Variants in KATNIP observed in about 807,000 individuals in gnomAD.
The protein encoded by KATNIP is katanin interacting protein.
A neutral mutation model predicts 174.0 loss-of-function variants in KATNIP; 126 were observed. That is an observed-to-expected ratio of 0.72 (90% CI 0.63 to 0.84). The LOEUF is 0.84. Among genes scored for constraint, KATNIP ranks in the 40% least tolerant of loss-of-function variants. KATNIP has a pLI of 0.00. For missense variants in KATNIP, 1,958 were observed against 2,109.7 expected (o/e 0.93, Z 1.41); for synonymous variants, 810 against 835.7 (o/e 0.97, Z 0.53).
chr16:27,565,015 C>T (rs894181810), intron 1 of KATNIP, among the ~76,000 whole-genome samples: 9 of 151,600 alleles, frequency 5.9e-5, no homozygotes, highest in South Asian at 4.2e-4. Context: ...CCGCCTGCCT[C>T]GGCCTCCCAA....
At chr16:27,689,946 A>T (rs2078656251) in intron 8 of KATNIP, among the ~76,000 whole-genome samples, 1 of 152,134 alleles carries the variant, frequency 6.6e-6, no homozygotes, top group African/African-American at 2.4e-5. Flanking sequence ...GGACAAGCCC[A>T]TGCCTGGGTG....
At position 27,586,765 on chromosome 16, in the gene KATNIP, T is replaced by C. The variant is rs556405511; in HGVS notation, c.63+12809T>C. The stretch of plus-strand genomic sequence containing the variant: ...GATCACCTGAGCCCGGGAGATTGAG[T>C]GTGCAATAAGCCAAGATCGCGCCAC... On this transcript the variant is annotated intron_variant, in intron 2 of 27. Transcript: ENST00000261588. Among the ~76,000 whole-genome samples, 62 of 150,032 alleles carry C rather than the reference T, an allele frequency of 4.1e-4. 1 individual carries two copies. The South Asian group carries it at 4.4e-3, about 11-fold the overall frequency.
At chr16:27,705,948 G>C (rs1047818725) in intron 12 of KATNIP, among the ~76,000 whole-genome samples, 1 of 152,152 alleles carries the variant, frequency 6.6e-6, no homozygotes, top group Non-Finnish European at 1.5e-5. Flanking sequence ...AAAATGCTGG[G>C]ATTACAGCTG....
At chr16:27,654,807 G>A (rs902876276) in intron 6 of KATNIP, 6 of 1,305,562 alleles carry the variant, frequency 4.6e-6, no homozygotes, top group Middle Eastern at 2.1e-4. Context: ...AGCTGTGCCT[G>A]CCTTAAGATG....
At chr16:27,764,613 T>G (rs761885166) in intron 19 of KATNIP, among the ~76,000 whole-genome samples, 1 of 152,244 alleles carries the variant, frequency 6.6e-6, no homozygotes, top group Non-Finnish European at 1.5e-5. Flanking sequence ...CGTTGCTGTT[T>G]CTAGGCTTTT....
Position 27,740,453 on chromosome 16 carries a change from C to A in KATNIP, c.2156C>A (p.Pro719Gln). 1 of 1,614,124 alleles carries A rather than the reference C, an allele frequency of 6.2e-7. No homozygotes were observed. Among genetic ancestry groups the A allele is most frequent in the Non-Finnish European group, 8.5e-7 (1 of 1,180,020 alleles). The change falls in exon 15 of 28, where the codon CCA becomes CAA. Residue 719 changes from proline (P) to glutamine (Q), a missense_variant. Physicochemically the swap from Pro to Gln is moderately conservative, Grantham distance 76. Around this residue, in one of 3 missense-constraint regions of KATNIP, gnomAD observed 1,557 missense variants for 1,617.8 expected, o/e 0.96. Coordinates refer to ENST00000261588, the MANE Select transcript of KATNIP (RefSeq NM_015202.5). ...GDMPSAPATS[P>Q]PVKCPPVHEE... ...ATGCCCAGTGCTCCTGCCACTTCCCCACCTGTGAAGTGCCCTCCTGTCCAT... is the reference window on the plus strand; with the variant it reads ...ATGCCCAGTGCTCCTGCCACTTCCCAACCTGTGAAGTGCCCTCCTGTCCAT...
At chr16:27,648,774 G>C in intron 6 of KATNIP, 39 bp downstream of exon 6, 7 of 1,600,554 alleles carry the variant, frequency 4.4e-6, no homozygotes, top group Non-Finnish European at 6.0e-6. Context: ...GACACCTGAA[G>C]GACGGCGAGG....
At chr16:27,671,552 G>C (rs924689332) in intron 6 of KATNIP, among the ~76,000 whole-genome samples, 1 of 152,180 alleles carries the variant, frequency 6.6e-6, no homozygotes, top group Non-Finnish European at 1.5e-5. Flanking sequence ...GGAAGGGCTA[G>C]GTCAGAGGGT....
chr16:27,665,057 T>C (rs2077635785), intron 6 of KATNIP, among the ~76,000 whole-genome samples: 1 of 152,124 alleles, frequency 6.6e-6, no homozygotes, highest in South Asian at 2.1e-4. Context: ...GCACTGGAAA[T>C]TTTTCATTTA....
chr16:27,769,803 G>A (rs1371338384), intron 20 of KATNIP, 58 bp from the exon 21 acceptor site: 38 of 1,591,632 alleles, frequency 2.4e-5, no homozygotes, highest in South Asian at 2.2e-4. Flanking sequence ...CGTCAGCACC[G>A]CTTCTGTCCC....
intron 1 of KATNIP, among the ~76,000 whole-genome samples, chr16:27,559,006 T>C (rs2089743093): frequency 6.6e-6 from 1 of 152,182 alleles, no homozygotes; most frequent in African/African-American, 2.4e-5. Flanking sequence ...GCCACTGGGC[T>C]GATGGAATAA....
At chr16:27,756,859 C>G (rs534143436) in intron 18 of KATNIP, among the ~76,000 whole-genome samples, 1 of 152,310 alleles carries the variant, frequency 6.6e-6, no homozygotes, top group East Asian at 1.9e-4. Flanking sequence ...GTGTCTGCCT[C>G]CCTCTCCCTG....
chr16:27,708,999 A>C, intron 13 of KATNIP, 79 bp downstream of exon 13: 1 of 1,206,736 alleles, frequency 8.3e-7, no homozygotes, highest in Non-Finnish European at 1.2e-6. Context: ...ATCTGTGTTA[A>C]GGGTATGAGT....
At chr16:27,618,585 C>A in intron 3 of KATNIP, 84 bp downstream of exon 3, 3 of 937,992 alleles carry the variant, frequency 3.2e-6, no homozygotes, top group Non-Finnish European at 5.2e-6. Flanking sequence ...CAGGCCCTGC[C>A]TCACATAGGA....
At position 27,698,510 on chromosome 16, in the gene KATNIP, G is replaced by A. The variant is rs376063239; in HGVS notation, c.1113+10G>A. 3.7e-4 allele frequency: 587 copies of A among 1,596,152 alleles called. 6 individuals carry two copies. The South Asian group carries it at 5.9e-3, about 16-fold the overall frequency. ...AGCCAGCCCACTGCAGGTGCGCTCC[G>A]GGCTGGGAGAGGAACCGGGGGATGC... On this transcript the variant is annotated intron_variant, in intron 9 of 27. Transcript: ENST00000261588.
chr16:27,697,003 A>C (rs2078936937), intron 8 of KATNIP, among the ~76,000 whole-genome samples: 1 of 152,180 alleles, frequency 6.6e-6, no homozygotes, highest in Non-Finnish European at 1.5e-5. Flanking sequence ...CGCTGAGATT[A>C]CAGGCGTGAG....
intron 13 of KATNIP, 111 bp from the exon 14 acceptor site, chr16:27,721,447 A>C (rs1033595372): frequency 7.7e-7 from 1 of 1,294,732 alleles, no homozygotes; most frequent in Non-Finnish European, 1.1e-6. Flanking sequence ...GTCTGCCCTG[A>C]GCCCTCACCA....
Position 27,754,232 on chromosome 16 carries a change from A to G in KATNIP, c.3612A>G (p.Pro1204=). The stretch of plus-strand genomic sequence containing the variant: ...TCCCCCAAGTCACCACGCCAGAGCC[A>G]GGCATCTACCACGGAATCTGTGAGT... The part of the protein sequence containing the change: ...SPVPQVTTPE[P]GIYHGICLQL... The change falls in exon 18 of 28, where the codon CCA becomes CCG. Residue 1204 remains proline, a synonymous_variant. Coordinates refer to ENST00000261588, the MANE Select transcript of KATNIP (RefSeq NM_015202.5). The G allele has an allele frequency of 1.9e-6, 3 of 1,614,144 alleles. No individual in the cohort carries two copies. The highest frequency in any genetic ancestry group is 2.5e-6 in the Non-Finnish European group (3 of 1,179,956).
intron 8 of KATNIP, among the ~76,000 whole-genome samples, chr16:27,692,611 C>T (rs771604131): frequency 1.8e-4 from 28 of 152,086 alleles, no homozygotes; most frequent in African/African-American, 5.8e-4. Context: ...CTGTTCCAGG[C>T]GAAGGGAAGA....
Sources: allele counts gnomAD v4.1 joint callset (sites outside exome capture counted in the v4.1 genomes callset), GRCh38; gene constraint gnomAD v4.1.1; regional missense constraint gnomAD v4.1.1; transcripts MANE v1.5; gene names NCBI Gene and HGNC (gene_info 2026-07-23, HGNC 2026-07-21).